DHX8: variants seen among roughly 807,000 people sequenced by gnomAD.
DHX8 encodes DEAH-box helicase 8.
In DHX8, 67 loss-of-function variants were observed where a neutral mutation model predicts 140.7. The ratio of observed to expected loss-of-function variants is 0.48; its 90% CI spans 0.39 to 0.58. The LOEUF (loss-of-function observed/expected upper bound fraction) is 0.58. Among genes scored for constraint, DHX8 ranks in the 20% least tolerant of loss-of-function variants. DHX8 has a pLI of 0.00. For synonymous variants in DHX8, 533 were observed against 553.2 expected, an observed-to-expected ratio of 0.96 and a Z score of 0.51; for missense variants, 887 against 1,550.7, an observed-to-expected ratio of 0.57 and a Z score of 7.19.
chr17:43,532,771 G>A, intron 2 of DHX8: 1 of 1,614,022 alleles, frequency 6.2e-7, no homozygotes. Flanking sequence ...CGGCTGGCTG[G>A]CCCGCCTGTT....
intron 3 of DHX8, among the ~76,000 whole-genome samples, chr17:43,539,991 A>G (rs1288984619): frequency 6.6e-6 from 1 of 152,206 alleles, no homozygotes; most frequent in African/African-American, 2.4e-5. Context: ...AGTCAACATA[A>G]TAATACTTTG....
At position 43,525,176 on chromosome 17, in the gene DHX8, G is replaced by A. The variant is rs1970570348; in HGVS notation, c.*1329G>A. Reference sequence around the variant, plus strand: ...GAACTTACGGAAAGCTGGTCTGGATGTAGTGCTTGTAGAGAAGCTTCTGAG... The same window carrying A: ...GAACTTACGGAAAGCTGGTCTGGATATAGTGCTTGTAGAGAAGCTTCTGAG... On this transcript the variant is annotated 3_prime_UTR_variant, in exon 23 of 23. Coordinates refer to ENST00000262415, the MANE Select transcript of DHX8 (RefSeq NM_004941.3). 4 of 985,470 alleles carry A rather than the reference G, an allele frequency of 4.1e-6. No individual in the cohort carries two copies. Among genetic ancestry groups the A allele is most frequent in the South Asian group, 9.4e-5 (2 of 21,286 alleles). The allele number at this position is 985,470 out of a possible 1,614,324, so 61.0% of individuals were successfully genotyped here. A position where few individuals can be genotyped will look rare whatever the true frequency, so the allele number is the denominator to read the frequency against.
At chr17:43,505,637 G>C (rs1034351545) in intron 12 of DHX8, among the ~76,000 whole-genome samples, 13 of 151,784 alleles carry the variant, frequency 8.6e-5, no homozygotes, top group African/African-American at 2.7e-4. Flanking sequence ...TCTTTTTCCT[G>C]GGGCCCCTAG....
At chr17:43,528,247 T>G (rs183855313), downstream of DHX8, 38 of 384,182 alleles carry the variant, frequency 9.9e-5, no homozygotes, top group East Asian at 1.5e-3. Flanking sequence ...GTGGGGGGCT[T>G]GGACCTAGGA....
At chr17:43,490,822 C>A (rs929623774) in intron 3 of DHX8, among the ~76,000 whole-genome samples, 5 of 152,068 alleles carry the variant, frequency 3.3e-5, no homozygotes, top group Non-Finnish European at 7.4e-5. Flanking sequence ...TGCAGTGAGC[C>A]ATAGTTGCAC....
downstream of DHX8, chr17:43,529,708 TTG>T (rs775354861): frequency 6.3e-7 from 1 of 1,595,954 alleles, no homozygotes; most frequent in South Asian, 1.1e-5. Flanking sequence ...GGTGTGGGGT[TTG>T]TGTCTTTTGG....
At position 43,492,819 on chromosome 17, in the gene DHX8, G is replaced by C; in HGVS notation, c.642G>C (p.Glu214Asp). ...CTCGATCACGTTCCAGGACCCGGGAGAGGAATAAAGTGAAGTCTAGATATC... is the reference window on the plus strand; with the variant it reads ...CTCGATCACGTTCCAGGACCCGGGACAGGAATAAAGTGAAGTCTAGATATC... ...SRSRSRSRTR[E>D]RNKVKSRYRS... Residue 214 changes from glutamate to aspartate, a missense_variant, in exon 6 of 23, where the codon GAG becomes GAC. By Grantham distance (45) the Glu-to-Asp change is conservative (BLOSUM62 2). This residue lies in a region of DHX8 where 304 missense variants were observed against 306.9 expected (regional missense o/e 0.99). Coordinates refer to ENST00000262415, the MANE Select transcript of DHX8 (RefSeq NM_004941.3). 6.2e-7 allele frequency: 1 copy of C among 1,614,200 alleles called. No individual in the cohort carries two copies. Among genetic ancestry groups the C allele is most frequent in the South Asian group, 1.1e-5 (1 of 91,078 alleles).
chr17:43,491,168 C>T lies in DHX8; in HGVS notation c.311C>T (p.Pro104Leu). 2 of 1,514,464 alleles carry T rather than the reference C, an allele frequency of 1.3e-6. No homozygotes were observed. The highest frequency in any genetic ancestry group is 2.7e-5 in the South Asian group (2 of 73,438). 93.8% of individuals were successfully genotyped at this position (1,514,464 alleles called of 1,614,324 possible). A position where few individuals can be genotyped will look rare whatever the true frequency, so the allele number is the denominator to read the frequency against. ...PPAKPSTSKD[P>L]VVKPKTEKEK... is the part of the protein sequence containing the mutation. ...TCATGCTCTTTAATGAAACAAGATC[C>T]AGTTGTTAAACCTAAAACAGAAAAA... is the stretch of plus-strand genomic sequence containing the variant. The change falls in exon 4 of 23, where the codon CCA becomes CTA. Residue 104 changes from proline (P) to leucine (L), a missense_variant. Pro to Leu is a moderately conservative substitution (Grantham distance 98). Coordinates refer to ENST00000262415, the MANE Select transcript of DHX8 (RefSeq NM_004941.3).
chr17:43,499,111 T>C (rs1415406120), intron 10 of DHX8, 152 bp downstream of exon 10: 17 of 587,660 alleles, frequency 2.9e-5, no homozygotes, highest in Non-Finnish European at 4.0e-5. Context: ...TTATTTTAAA[T>C]GGAGGTTGGG....
chr17:43,528,585 G>A (rs777123700), downstream of DHX8: 28 of 1,613,938 alleles, frequency 1.7e-5, no homozygotes, highest in Admixed American at 3.7e-4. Context: ...GGAGGTAGGC[G>A]GGGCTCTCAT....
At chr17:43,523,584 G>A (rs2154586937) in intron 22 of DHX8, 44 bp from the exon 23 acceptor site, 1 of 1,607,904 alleles carries the variant, frequency 6.2e-7, no homozygotes, top group East Asian at 2.2e-5. Flanking sequence ...TGTAGAGTGG[G>A]GCCTATATCC....
chr17:43,528,622 T>A, downstream of DHX8: 1 of 1,614,110 alleles, frequency 6.2e-7, no homozygotes, highest in Non-Finnish European at 8.5e-7. Context: ...GACTGTGTCC[T>A]CCTCACTGAC....
At chr17:43,540,638 C>A (rs2154587234) in intron 3 of DHX8, among the ~76,000 whole-genome samples, 1 of 152,208 alleles carries the variant, frequency 6.6e-6, no homozygotes, top group South Asian at 2.1e-4. Context: ...AACTCCTGGG[C>A]TCAGGTAATC....
At chr17:43,534,733 A>C (rs1971143617) in intron 2 of DHX8, among the ~76,000 whole-genome samples, 1 of 152,146 alleles carries the variant, frequency 6.6e-6, no homozygotes, top group South Asian at 2.1e-4. Context: ...TGAAGTCAGA[A>C]GTTCAAGACC....
In DHX8 at chr17:43,513,443, C is replaced by G; in HGVS notation, c.2584C>G (p.Gln862Glu). 6.2e-7 allele frequency: 1 copy of G among 1,614,086 alleles called. No homozygotes were observed. Among genetic ancestry groups the G allele is most frequent in the Non-Finnish European group, 8.5e-7 (1 of 1,179,988 alleles). ...YYVVDPGFVK[Q>E]KVYNSKTGID... ...TGTGGTGGACCCAGGATTCGTGAAA[C>G]AGAAAGTTTACAATTCCAAGACAGG... is the stretch of plus-strand genomic sequence containing the variant. Residue 862 changes from glutamine (Q) to glutamate (E), a missense_variant, in exon 17 of 23, where the codon CAG becomes GAG. Physicochemically the swap from Gln to Glu is conservative, Grantham distance 29. Transcript: ENST00000262415.
At position 43,507,462 on chromosome 17, in the gene DHX8, G is replaced by C. The variant is rs558441146; in HGVS notation, c.1924-41G>C. On this transcript the variant is annotated intron_variant, in intron 13 of 22. Transcript: ENST00000262415. ...TCTTGCCTGGTGATTGGGAAAAGGA[G>C]ACATTTGTATCCTAGGTTTTCCCCT... The C allele has an allele frequency of 1.9e-6, 3 of 1,562,272 alleles. No individual in the cohort carries two copies. The Admixed American group carries it at 5.3e-5, about 28-fold the overall frequency.
downstream of DHX8, chr17:43,530,079 C>T (rs1970825002): frequency 6.2e-7 from 1 of 1,609,976 alleles, no homozygotes; most frequent in Non-Finnish European, 8.5e-7. Flanking sequence ...ACATGGAGGG[C>T]TTGGCAGGGG....
At chr17:43,516,422 G>A (rs1188891617) in intron 17 of DHX8, among the ~76,000 whole-genome samples, 3 of 151,918 alleles carry the variant, frequency 2.0e-5, no homozygotes, top group Non-Finnish European at 2.9e-5. Flanking sequence ...ATTTAACATT[G>A]CAAACATGAT....
intron 9 of DHX8, among the ~76,000 whole-genome samples, chr17:43,497,678 C>T (rs1482524648): frequency 6.6e-6 from 1 of 152,014 alleles, no homozygotes; most frequent in Non-Finnish European, 1.5e-5. Context: ...TTGCTTGAGC[C>T]TGGGAGGTCG....
Sources: gnomAD v4.1 joint callset for allele counts (sites outside exome capture counted in the v4.1 genomes callset) on GRCh38, gnomAD v4.1.1 for gene constraint, gnomAD v4.1.1 regional missense constraint, MANE v1.5 for transcripts, NCBI Gene and HGNC (gene_info 2026-07-23, HGNC 2026-07-21) for gene names.